PRDM15: variants seen among roughly 807,000 people sequenced by gnomAD.
PRDM15 encodes PR domain zinc finger protein 15.
In PRDM15, 64 loss-of-function variants were observed where a neutral mutation model predicts 128.6. That is an observed-to-expected ratio of 0.50 (90% CI 0.41 to 0.61). PRDM15 has a LOEUF of 0.61. Among genes scored for constraint, PRDM15 ranks in the 20% least tolerant of loss-of-function variants. PRDM15 has a pLI of 0.00. For synonymous variants in PRDM15, 615 were observed against 621.8 expected (o/e 0.99, Z 0.16); for missense variants, 1,242 against 1,569.1 (o/e 0.79, Z 3.52).
chr21:41,855,925 TC>T (rs112465384), intron 4 of PRDM15, among the ~76,000 whole-genome samples: 1 of 5,532 alleles, frequency 1.8e-4, no homozygotes, highest in Non-Finnish European at 3.5e-4. Context: ...CCTCCCTCCC[TC>T]CCTCCCTTCC....
Position 41,821,761 on chromosome 21 carries a change from G to T in PRDM15, c.1896+142C>A. 1.0e-6 allele frequency: 1 copy of T among 1,002,836 alleles called. No individual in the cohort carries two copies. Among genetic ancestry groups the T allele is most frequent in the Non-Finnish European group, 1.5e-6 (1 of 669,802 alleles). 62.1% of individuals were successfully genotyped at this position (1,002,836 alleles called of 1,614,324 possible). A position where few individuals can be genotyped will look rare whatever the true frequency, so the allele number is the denominator to read the frequency against. On this transcript the variant is annotated intron_variant, in intron 15 of 23. Transcript: ENST00000398548. The surrounding 1 kb of genome is among the most constrained non-coding windows in gnomAD (Gnocchi z 5.4). ...GTGATGGACAGGCACCCAGTCTGCA[G>T]TAGGACCACTGGCCGGAGCCTTTGG... is the stretch of plus-strand genomic sequence containing the variant.
intron 21 of PRDM15, among the ~76,000 whole-genome samples, chr21:41,808,132 C>A (rs1240270363): frequency 6.6e-6 from 1 of 152,220 alleles, no homozygotes; most frequent in South Asian, 2.1e-4. Context: ...GAAACCCACA[C>A]GTCATGGAGA....
At chr21:41,861,704 G>C (rs1265538224) in intron 1 of PRDM15, 3 of 1,614,202 alleles carry the variant, frequency 1.9e-6, no homozygotes, top group African/African-American at 1.3e-5. Flanking sequence ...GTGAAAAGCA[G>C]ACCGTGCAAA....
At chr21:41,819,086 C>A (rs2062154074) in intron 18 of PRDM15, among the ~76,000 whole-genome samples, 2 of 152,188 alleles carry the variant, frequency 1.3e-5, no homozygotes, top group African/African-American at 4.8e-5. Flanking sequence ...TTTGTTTGTG[C>A]CTTTAAATTT....
intron 6 of PRDM15, among the ~76,000 whole-genome samples, chr21:41,842,270 A>G (rs948824): frequency 0.91 from 139,145 of 152,236 alleles, 63,735 homozygotes; most frequent in African/African-American, 0.95. Context: ...ACCTATTATC[A>G]CCTTTCCATT....
intron 5 of PRDM15, among the ~76,000 whole-genome samples, chr21:41,851,803 C>A (rs553120869): frequency 1.1e-4 from 17 of 152,288 alleles, no homozygotes; most frequent in East Asian, 3.9e-4. Context: ...CACTACCTCT[C>A]CAGAAATAAC....
chr21:41,868,697 T>C (rs2064104786), intron 1 of PRDM15, among the ~76,000 whole-genome samples: 1 of 146,696 alleles, frequency 6.8e-6, no homozygotes, highest in Non-Finnish European at 1.5e-5. Flanking sequence ...TCTTTTTCTT[T>C]TTTTTTTTTT....
At chr21:41,847,410 GGCAACTGA>G (rs2063300237) in intron 5 of PRDM15, among the ~76,000 whole-genome samples, 1 of 152,156 alleles carries the variant, frequency 6.6e-6, no homozygotes, top group South Asian at 2.1e-4. Context: ...TCACAGATGA[GGCAACTGA>G]GCACAGAGAC....
At chr21:41,815,437 G>A (rs1254806472) in intron 19 of PRDM15, among the ~76,000 whole-genome samples, 5 of 152,206 alleles carry the variant, frequency 3.3e-5, no homozygotes, top group African/African-American at 1.2e-4. Flanking sequence ...CAGCTGAACG[G>A]GAGGAACATT....
chr21:41,877,905 T>A (rs2064479373), intron 1 of PRDM15, among the ~76,000 whole-genome samples: 1 of 152,260 alleles, frequency 6.6e-6, no homozygotes, highest in Non-Finnish European at 1.5e-5. Flanking sequence ...CTTGAAAGTC[T>A]AAATTATAGA....
At chr21:41,842,578 C>T (rs1428509379) in intron 6 of PRDM15, among the ~76,000 whole-genome samples, 1 of 151,954 alleles carries the variant, frequency 6.6e-6, no homozygotes, top group Non-Finnish European at 1.5e-5. Flanking sequence ...ATAACCTCCG[C>T]CTCCCAGGTT....
chr21:41,874,070 GAAAAAAA>G (rs34938588), intron 1 of PRDM15, among the ~76,000 whole-genome samples: 1 of 107,684 alleles, frequency 9.3e-6, no homozygotes. Flanking sequence ...TCTGTCTCGG[GAAAAAAA>G]AAAAAAAAAA....
rs370060965 is a variant in PRDM15, at chr21:41,878,738, C to G, written c.-10+532G>C. 1.1e-5 allele frequency: 17 copies of G among 1,568,538 alleles called. 1 individual carries two copies. The highest frequency in any genetic ancestry group is 7.5e-5 in the East Asian group (3 of 40,234). ...AACGCGGGGTTGGGGGTCCAGGGAC[C>G]CCCCCGTGCGACCCGCATGGGCTGT... On this transcript the variant is annotated intron_variant, in intron 1 of 23. Coordinates refer to ENST00000398548, the MANE Select transcript of PRDM15 (RefSeq NM_001040424.3).
In PRDM15 at chr21:41,798,736, C is replaced by T. The variant is rs1443451067; in HGVS notation, c.*2504G>A. The T allele has an allele frequency of 6.6e-6, 1 of 152,222 alleles. No homozygotes were observed. Among genetic ancestry groups the T allele is most frequent in the Non-Finnish European group, 1.5e-5 (1 of 68,046 alleles). The allele number at this position is 152,222 out of a possible 1,614,324, so 9.4% of individuals were successfully genotyped here. On this transcript the variant is annotated 3_prime_UTR_variant, in exon 24 of 24. Coordinates refer to ENST00000398548, the MANE Select transcript of PRDM15 (RefSeq NM_001040424.3). ...CTAATGTCTTCCTTTATGAATACAT[C>T]TGTGCACCTGGGATCAGTTAAAAAA...
At chr21:41,835,167 G>A (rs952568245) in intron 11 of PRDM15, among the ~76,000 whole-genome samples, 22 of 152,260 alleles carry the variant, frequency 1.4e-4, no homozygotes, top group Admixed American at 7.2e-4. Flanking sequence ...AACGGACCCC[G>A]GCTTTACAAT....
intron 1 of PRDM15, among the ~76,000 whole-genome samples, chr21:41,873,762 C>A (rs1251683629): frequency 6.6e-6 from 1 of 152,136 alleles, no homozygotes; most frequent in East Asian, 1.9e-4. Context: ...AATGGAAACT[C>A]TGCTGGGCAC....
chr21:41,865,411 C>T (rs1052910102), intron 1 of PRDM15, among the ~76,000 whole-genome samples: 1 of 152,218 alleles, frequency 6.6e-6, no homozygotes, highest in African/African-American at 2.4e-5. Flanking sequence ...TTGTGGCAGC[C>T]TTGCACAGTG....
chr21:41,801,423 C>A lies in PRDM15; in HGVS notation c.3243G>T (p.Leu1081=), dbSNP rs745719904. ...GCGTGATGGAGTTGACCAGGGTCGT[C>A]AGGTTGATGAAATGGGCCACAGACT... is the stretch of plus-strand genomic sequence containing the variant. ...NPQSVAHFIN[L]TTLVNSITPL... The change falls in exon 24 of 24, where the codon CTG becomes CTT. Residue 1081 remains leucine, a synonymous_variant. Transcript: ENST00000398548. 2.5e-6 allele frequency: 4 copies of A among 1,614,070 alleles called. No individual in the cohort carries two copies. The highest frequency in any genetic ancestry group is 3.4e-6 in the Non-Finnish European group (4 of 1,179,970).
intron 14 of PRDM15, among the ~76,000 whole-genome samples, chr21:41,822,540 C>G (rs946723541): frequency 6.6e-6 from 1 of 152,232 alleles, no homozygotes; most frequent in Admixed American, 6.5e-5. Context: ...AGTTGGGCCA[C>G]AGGAGGTGAG....
Sources: gnomAD v4.1 joint callset for allele counts (sites outside exome capture counted in the v4.1 genomes callset) on GRCh38, gnomAD v4.1.1 for gene constraint, Gnocchi (gnomAD v3.1) non-coding constraint, MANE v1.5 for transcripts, NCBI Gene and HGNC (gene_info 2026-07-23, HGNC 2026-07-21) for gene names.